Variants in LDB1 observed in about 807,000 individuals in gnomAD.
LDB1 encodes the protein LIM domain binding 1, also known as LIM domain-binding protein 1.
In LDB1, 6 loss-of-function variants were observed where a neutral mutation model predicts 49.7. The ratio of observed to expected loss-of-function variants is 0.12; its 90% CI spans 0.07 to 0.24. LDB1 has a LOEUF of 0.24. Ranked by LOEUF, LDB1 falls within the 10% of genes least tolerant of loss-of-function variation. LDB1 has a pLI of 1.00. For missense variants in LDB1, 341 were observed against 561.7 expected, an observed-to-expected ratio of 0.61 and a Z score of 3.97; for synonymous variants, 233 against 202.0, an observed-to-expected ratio of 1.15 and a Z score of -1.30.
rs533733648 is a variant in LDB1 at position 102,115,252 on chromosome 10, C to A, written c.26-3716G>T. Among the ~76,000 whole-genome samples, 464 of 152,278 alleles carry A rather than the reference C, an allele frequency of 3.0e-3. 7 individuals are homozygous for A. Among genetic ancestry groups the A allele is most frequent in the African/African-American group, 0.011 (450 of 41,562 alleles). ...CCTCCCCCGAGCCCCAGGCACGGTG[C>A]TCAGGAGTGAGCAGGTGGGCCAAAG... On this transcript the variant is annotated intron_variant, in intron 1 of 10. Transcript: ENST00000673968.
intron 6 of LDB1, 66 bp downstream of exon 6, chr10:102,110,463 A>T: frequency 6.6e-7 from 1 of 1,504,642 alleles, no homozygotes; most frequent in Non-Finnish European, 9.1e-7. Flanking sequence ...GTGAGTATAC[A>T]CTGGGAGAGA....
rs550854784 is a variant in LDB1 at position 102,109,839 on chromosome 10, T to G, written c.648+82A>C. On this transcript the variant is annotated intron_variant, in intron 7 of 10. Coordinates refer to ENST00000673968, the MANE Select transcript of LDB1 (RefSeq NM_001113407.3). This position sits in a 1 kb window ranked among gnomAD's most constrained non-coding sequence, Gnocchi z 5.8. ...AAACCCTAACCCTCTGTCTAAGTAG[T>G]CAGTCGGGAAATGGCAGACCTTGTT... The G allele has an allele frequency of 3.1e-5, 49 of 1,578,672 alleles. No individual in the cohort carries two copies. Among genetic ancestry groups the G allele is most frequent in the Non-Finnish European group, 4.1e-5 (48 of 1,159,080 alleles).
chr10:102,120,459 G>A (rs1010235491), upstream of LDB1: 2 of 923,566 alleles, frequency 2.2e-6, no homozygotes, highest in East Asian at 1.2e-4. Context: ...CCTCGCGCTC[G>A]CGCTCCCTCG....
intron 6 of LDB1, 167 bp downstream of exon 6, chr10:102,110,362 C>G (rs538159996): frequency 3.1e-5 from 22 of 719,118 alleles, no homozygotes; most frequent in Non-Finnish European, 5.0e-5. Context: ...CTATCCCATA[C>G]AAACACAATA....
intron 1 of LDB1, among the ~76,000 whole-genome samples, chr10:102,112,623 G>A (rs1056448078): frequency 1.6e-4 from 23 of 143,512 alleles, no homozygotes; most frequent in African/African-American, 5.9e-4. Context: ...AGGGTAGACA[G>A]TATTGTCTCC....
upstream of LDB1, among the ~76,000 whole-genome samples, chr10:102,120,621 G>A (rs944952747): frequency 2.0e-5 from 3 of 152,146 alleles, no homozygotes; most frequent in Non-Finnish European, 4.4e-5. Context: ...GCGGGCGGGC[G>A]GCGAGGGGCT....
In LDB1 at chr10:102,111,468, AG is replaced by A; in HGVS notation, c.93del (p.Phe32SerfsTer73). 1 of 1,566,728 alleles carries A rather than the reference AG, an allele frequency of 6.4e-7. No homozygotes were observed. The highest frequency in any genetic ancestry group is 8.7e-7 in the Non-Finnish European group (1 of 1,154,972). On this transcript the variant is annotated frameshift_variant, in exon 2 of 11. Transcript: ENST00000673968. LOFTEE classifies it high-confidence loss of function. ...CTATCCAGCATGGTGCCGGGATGGA[AG>A]GGGGGAAAGGCGTTGCCGTTCGGGG... is the stretch of plus-strand genomic sequence containing the variant. ...KEPPNGNAFP[P>X]FHPGTMLDRD...
Position 102,117,226 on chromosome 10 carries a change from G to A in LDB1, c.25+2860C>T, listed in dbSNP as rs758201802. Among the ~76,000 whole-genome samples, 3 of 152,160 alleles carry A rather than the reference G, an allele frequency of 2.0e-5. No individual in the cohort carries two copies. The highest frequency in any genetic ancestry group is 4.4e-5 in the Non-Finnish European group (3 of 68,026). The stretch of plus-strand genomic sequence containing the variant: ...GGGACTACAAGGGCCCTCCAGTCTC[G>A]CTGTGGGGTGGAGGGGCCCCTAAAT... On this transcript the variant is annotated intron_variant, in intron 1 of 10. Coordinates refer to ENST00000673968, the MANE Select transcript of LDB1 (RefSeq NM_001113407.3). This position sits in a 1 kb window ranked among gnomAD's most constrained non-coding sequence, Gnocchi z 4.2.
chr10:102,105,349 G>A (rs907736540), downstream of LDB1, among the ~76,000 whole-genome samples: 3 of 152,138 alleles, frequency 2.0e-5, no homozygotes, highest in African/African-American at 7.2e-5. Flanking sequence ...CAAGATAACT[G>A]TAGATTGGAG....
chr10:102,107,982 A>T lies in LDB1; in HGVS notation c.*111T>A, dbSNP rs1223646235. On this transcript the variant is annotated 3_prime_UTR_variant, in exon 11 of 11. Transcript: ENST00000673968. ...TCCAGTTCCTCCCTGAAGCGGGTGG[A>T]TGGAGGCTGCCCATTTTAGATGCTC... 1.1e-6 allele frequency: 1 copy of T among 883,336 alleles called. No individual in the cohort carries two copies. The highest frequency in any genetic ancestry group is 1.8e-6 in the Non-Finnish European group (1 of 549,514). The allele number at this position is 883,336 out of a possible 1,614,324, so 54.7% of individuals were successfully genotyped here.
chr10:102,108,367 C>T (rs759503989), intron 10 of LDB1, 44 bp from the exon 11 acceptor site: 6 of 1,533,408 alleles, frequency 3.9e-6, no homozygotes, highest in Admixed American at 1.7e-5. Flanking sequence ...GGCAAGGGCT[C>T]GCCCGGCCCA....
rs201593809 is a variant in LDB1 at position 102,109,587 on chromosome 10, G to A, written c.732+13C>T. 1.9e-6 allele frequency: 3 copies of A among 1,614,084 alleles called. No homozygotes were observed. Among genetic ancestry groups the A allele is most frequent in the East Asian group, 2.2e-5 (1 of 44,886 alleles). Reference sequence around the variant, plus strand: ...AATGGACTGGGGCAGAAACTGGGTGGTCGGAGACTCACTCGGAGGTAGTTG... The same window carrying A: ...AATGGACTGGGGCAGAAACTGGGTGATCGGAGACTCACTCGGAGGTAGTTG... On this transcript the variant is annotated intron_variant, in intron 8 of 10. Transcript: ENST00000673968. This position sits in a 1 kb window ranked among gnomAD's most constrained non-coding sequence, Gnocchi z 5.8.
At chr10:102,119,304 C>G (rs910351124) in intron 1 of LDB1, among the ~76,000 whole-genome samples, 1 of 151,790 alleles carries the variant, frequency 6.6e-6, no homozygotes, top group Non-Finnish European at 1.5e-5. Context: ...CTCCGCCCCC[C>G]CCACCTGCCC....
chr10:102,116,800 A>G (rs1003862796), intron 1 of LDB1, among the ~76,000 whole-genome samples: 4 of 152,246 alleles, frequency 2.6e-5, no homozygotes, highest in South Asian at 2.1e-4. Flanking sequence ...CCTGCAACAT[A>G]CAGCCTATCA....
At chr10:102,121,262 C>T (rs989805103), upstream of LDB1, among the ~76,000 whole-genome samples, 2 of 152,078 alleles carry the variant, frequency 1.3e-5, no homozygotes, top group African/African-American at 4.8e-5. Flanking sequence ...CCCCTTTCTC[C>T]AGCCTTGGTG....
intron 1 of LDB1, among the ~76,000 whole-genome samples, chr10:102,113,602 T>C (rs908842647): frequency 6.6e-6 from 1 of 150,798 alleles, no homozygotes; most frequent in African/African-American, 2.4e-5. Context: ...AACCCAAGAG[T>C]AGATTCTCAG....
At chr10:102,121,141 G>C (rs918352936), upstream of LDB1, among the ~76,000 whole-genome samples, 3 of 152,128 alleles carry the variant, frequency 2.0e-5, no homozygotes, top group African/African-American at 7.2e-5. Context: ...GTGTTTTGCT[G>C]GGGGGAGGGG....
At chr10:102,110,323 T>A (rs2068233210) in intron 6 of LDB1, 2 of 636,526 alleles carry the variant, frequency 3.1e-6, no homozygotes, top group Non-Finnish European at 5.4e-6. Flanking sequence ...AGACTCTTGT[T>A]CACTCGTGTA....
At chr10:102,120,440 C>T, upstream of LDB1, 2 of 969,782 alleles carry the variant, frequency 2.1e-6, no homozygotes, top group African/African-American at 1.8e-5. Context: ...CGAGCGCCCC[C>T]CTCTCCGCCC....
Sources: gnomAD v4.1 joint callset for allele counts (sites outside exome capture counted in the v4.1 genomes callset) on GRCh38, gnomAD v4.1.1 for gene constraint, Gnocchi (gnomAD v3.1) non-coding constraint, MANE v1.5 for transcripts, NCBI Gene and HGNC (gene_info 2026-07-23, HGNC 2026-07-21) for gene names.